The following CFAP20DC variants were observed in gnomAD, a reference collection of about 807,000 sequenced individuals.
CFAP20DC encodes the protein CFAP20 domain containing, also known as protein CFAP20DC.
CFAP20DC carries 84 observed loss-of-function variants against 101.7 expected under a neutral mutation model. The ratio of observed to expected loss-of-function variants is 0.83; its 90% confidence interval spans 0.69 to 0.99. The LOEUF (loss-of-function observed/expected upper bound fraction) is 0.99, where lower values mean the gene tolerates loss of function less well. Ranked by LOEUF, CFAP20DC falls within the 50% of genes least tolerant of loss-of-function variation. The probability of loss-of-function intolerance (pLI) is 0.00; values close to 1 mark genes in which losing one functional copy is unlikely to be tolerated. For synonymous variants in CFAP20DC, 359 were observed against 351.2 expected, an observed-to-expected ratio of 1.02 and a Z score of -0.25; for missense variants, 1,007 against 970.3, an observed-to-expected ratio of 1.04 and a Z score of -0.50.
chr3:58,902,609 T>C (rs1359086529), intron 6 of CFAP20DC, among the ~76,000 whole-genome samples: 3 of 152,222 alleles, frequency 2.0e-5, no homozygotes, highest in Non-Finnish European at 2.9e-5. Flanking sequence ...TTGATTATTT[T>C]TAAATTGAGT....
intron 4 of CFAP20DC, among the ~76,000 whole-genome samples, chr3:59,026,041 T>C (rs2093886487): frequency 6.6e-6 from 1 of 152,154 alleles, no homozygotes; most frequent in Non-Finnish European, 1.5e-5. Flanking sequence ...TAAAACCTAT[T>C]TTAAGGCATG....
intron 15 of CFAP20DC, among the ~76,000 whole-genome samples, chr3:58,772,971 A>AT (rs1393070678): frequency 6.6e-6 from 1 of 151,054 alleles, no homozygotes; most frequent in Admixed American, 6.6e-5. Flanking sequence ...AGTAAGACTT[A>AT]TTTTTTACTT....
chr3:58,930,271 C>T (rs1485445077), intron 5 of CFAP20DC, among the ~76,000 whole-genome samples: 1 of 152,192 alleles, frequency 6.6e-6, no homozygotes, highest in African/African-American at 2.4e-5. Flanking sequence ...TAACCCTAAT[C>T]TGGATGACTG....
chr3:59,047,336 G>A (rs922209889), intron 1 of CFAP20DC, 82 bp from the exon 2 acceptor site: 14 of 908,518 alleles, frequency 1.5e-5, no homozygotes, highest in South Asian at 6.6e-5. Flanking sequence ...CAGTGTTCCC[G>A]GCATCTGTCA....
intron 13 of CFAP20DC, among the ~76,000 whole-genome samples, chr3:58,842,898 G>A (rs1255005580): frequency 1.3e-5 from 2 of 152,284 alleles, no homozygotes; most frequent in Middle Eastern, 3.4e-3. Context: ...CCCCAGCAGG[G>A]GCACACTGAC....
chr3:58,753,928 G>A (rs2068745895), intron 15 of CFAP20DC, 65 bp from the exon 16 acceptor site: 2 of 1,127,500 alleles, frequency 1.8e-6, no homozygotes, highest in Admixed American at 4.5e-5. Flanking sequence ...GGTTTCCCAT[G>A]GATTTTCAGT....
chr3:58,944,880 G>T (rs922965388), intron 4 of CFAP20DC, among the ~76,000 whole-genome samples: 1 of 152,084 alleles, frequency 6.6e-6, no homozygotes, highest in African/African-American at 2.4e-5. Context: ...ACTGAAATGT[G>T]TTAATTCGTG....
chr3:58,937,624 A>G (rs1228414030), intron 5 of CFAP20DC, 24 bp downstream of exon 5: 4 of 1,322,766 alleles, frequency 3.0e-6, no homozygotes, highest in Non-Finnish European at 4.4e-6. Flanking sequence ...TTAATATTTT[A>G]GGCAACATTC....
intron 1 of CFAP20DC, 23 bp from the exon 2 acceptor site, chr3:59,047,277 TA>T: frequency 7.0e-7 from 1 of 1,427,394 alleles, no homozygotes; most frequent in Middle Eastern, 1.7e-4. Flanking sequence ...AATAAAATAT[TA>T]AAAGACAATG....
At chr3:58,945,485 T>C (rs2089225444) in intron 4 of CFAP20DC, among the ~76,000 whole-genome samples, 1 of 152,204 alleles carries the variant, frequency 6.6e-6, no homozygotes, top group Admixed American at 6.5e-5. Flanking sequence ...CCAATGATTA[T>C]TATCTTACAA....
chr3:58,845,601 C>T (rs2077560844), intron 13 of CFAP20DC, among the ~76,000 whole-genome samples: 1 of 152,124 alleles, frequency 6.6e-6, no homozygotes, highest in Non-Finnish European at 1.5e-5. Context: ...GGAACTGGTA[C>T]CTTTCCTTCT....
chr3:58,910,026 C>A (rs1000569223), intron 6 of CFAP20DC, among the ~76,000 whole-genome samples: 2 of 152,136 alleles, frequency 1.3e-5, no homozygotes, highest in Non-Finnish European at 2.9e-5. Context: ...AGGATGATGG[C>A]TTCCAACTTC....
intron 5 of CFAP20DC, among the ~76,000 whole-genome samples, chr3:58,919,070 C>A (rs1421143805): frequency 2.0e-5 from 3 of 152,232 alleles, no homozygotes; most frequent in South Asian, 4.2e-4. Flanking sequence ...TTTAATTGCC[C>A]CAGACAGATC....
chr3:58,757,176 CCAG>C lies in CFAP20DC; in HGVS notation c.2238-3316_2238-3314del, dbSNP rs751117989. On this transcript the variant is annotated intron_variant, in intron 15 of 16. Transcript: ENST00000482387. ...AGGGTTGTACCTGTCTTCATTCTCA[CCAG>C]CAATGTATGAGAATGCTGATTTCCC... Among the ~76,000 whole-genome samples the C allele has an allele frequency of 8.7e-4, 132 of 152,158 alleles. 1 individual carries two copies. The highest frequency in any genetic ancestry group is 1.9e-3 in the Admixed American group (29 of 15,260).
At chr3:58,812,868 G>T (rs1417536739) in intron 14 of CFAP20DC, among the ~76,000 whole-genome samples, 1 of 151,758 alleles carries the variant, frequency 6.6e-6, no homozygotes, top group Non-Finnish European at 1.5e-5. Flanking sequence ...TAAAGTTCAT[G>T]TATTGAAATT....
At chr3:59,046,439 G>C in intron 2 of CFAP20DC, 117 bp from the exon 3 acceptor site, 1 of 671,990 alleles carries the variant, frequency 1.5e-6, no homozygotes, top group Non-Finnish European at 2.5e-6. Flanking sequence ...TAACTTAAAA[G>C]CAGGCTCAGG....
At chr3:58,844,540 T>TA (rs2077446636) in intron 13 of CFAP20DC, among the ~76,000 whole-genome samples, 1 of 137,372 alleles carries the variant, frequency 7.3e-6, no homozygotes, top group Admixed American at 6.9e-5. Flanking sequence ...CAAAGAGACT[T>TA]AGACTCCCAC....
intron 15 of CFAP20DC, among the ~76,000 whole-genome samples, chr3:58,759,945 G>A (rs1464938941): frequency 6.6e-6 from 1 of 152,172 alleles, no homozygotes; most frequent in Non-Finnish European, 1.5e-5. Flanking sequence ...TAGCCTTGTA[G>A]TATAGTTTGA....
chr3:58,984,273 G>T (rs2092681274), intron 4 of CFAP20DC, among the ~76,000 whole-genome samples: 1 of 152,136 alleles, frequency 6.6e-6, no homozygotes, highest in Non-Finnish European at 1.5e-5. Flanking sequence ...TTTCTTTGTT[G>T]TGACACTATA....
Sources: gnomAD v4.1 joint callset for allele counts (sites outside exome capture counted in the v4.1 genomes callset) on GRCh38, gnomAD v4.1.1 for gene constraint, MANE v1.5 for transcripts, NCBI Gene and HGNC (gene_info 2026-07-23, HGNC 2026-07-21) for gene names.